Variants in ERBB4 observed in about 807,000 individuals in gnomAD.
The protein encoded by ERBB4 is erb-b2 receptor tyrosine kinase 4, also known as receptor tyrosine-protein kinase erbB-4.
ERBB4 carries 42 observed loss-of-function variants against 158.0 expected under a neutral mutation model. The ratio of observed to expected loss-of-function variants is 0.27; its 90% CI spans 0.21 to 0.34. ERBB4 has a LOEUF of 0.34. Ranked by LOEUF, ERBB4 falls within the 10% of genes least tolerant of loss-of-function variation. ERBB4 has a pLI of 1.00. For missense variants in ERBB4, 1,333 were observed against 1,624.1 expected (o/e 0.82, Z 3.08); for synonymous variants, 583 against 558.7 (o/e 1.04, Z -0.61).
At chr2:212,367,357 A>G (rs977524083) in intron 1 of ERBB4, among the ~76,000 whole-genome samples, 2 of 152,058 alleles carry the variant, frequency 1.3e-5, no homozygotes, top group South Asian at 4.1e-4. Context: ...CTTTTCAACA[A>G]ATGGCGCTGG....
At chr2:211,862,197 T>C (rs762896130) in intron 3 of ERBB4, among the ~76,000 whole-genome samples, 1 of 152,186 alleles carries the variant, frequency 6.6e-6, no homozygotes, top group Non-Finnish European at 1.5e-5. Flanking sequence ...ATTTTCAAGC[T>C]AGAACTCAAA....
intron 1 of ERBB4, among the ~76,000 whole-genome samples, chr2:212,241,378 A>G (rs1339650622): frequency 6.6e-6 from 1 of 152,228 alleles, no homozygotes; most frequent in African/African-American, 2.4e-5. Flanking sequence ...TATATATAAC[A>G]TCATCAAAAT....
intron 3 of ERBB4, among the ~76,000 whole-genome samples, chr2:211,895,027 T>A (rs1417209993): frequency 6.6e-6 from 1 of 152,208 alleles, no homozygotes; most frequent in Non-Finnish European, 1.5e-5. Flanking sequence ...AAATGCTCTC[T>A]TATTCCTATG....
At chr2:211,515,913 T>TATATATA (rs71054105) in intron 20 of ERBB4, among the ~76,000 whole-genome samples, 2 of 57,374 alleles carry the variant, frequency 3.5e-5, no homozygotes, top group African/African-American at 2.2e-4. Flanking sequence ...TATATATATA[T>TATATATA]TTTTTTTTTT....
At chr2:212,498,545 T>A (rs1690708837) in intron 1 of ERBB4, among the ~76,000 whole-genome samples, 1 of 152,124 alleles carries the variant, frequency 6.6e-6, no homozygotes, top group African/African-American at 2.4e-5. Flanking sequence ...TTCTTATATA[T>A]TCCACCTAGG....
At chr2:211,633,137 G>C (rs1007551271) in intron 16 of ERBB4, among the ~76,000 whole-genome samples, 1 of 152,050 alleles carries the variant, frequency 6.6e-6, no homozygotes, top group Non-Finnish European at 1.5e-5. Flanking sequence ...AGCTTAAGAA[G>C]ACTTAATAGA....
intron 20 of ERBB4, chr2:211,561,658 G>A (rs2067395932): frequency 4.0e-6 from 2 of 500,920 alleles, no homozygotes; most frequent in Non-Finnish European, 7.2e-6. Flanking sequence ...TGACTACCAA[G>A]CTATTTGTTT....
At chr2:211,821,078 C>T (rs1219651881) in intron 3 of ERBB4, among the ~76,000 whole-genome samples, 1 of 151,734 alleles carries the variant, frequency 6.6e-6, no homozygotes, top group African/African-American at 2.4e-5. Context: ...AAATAAAGGA[C>T]ATCCAAACTG....
chr2:212,455,209 C>T (rs1361461267), intron 1 of ERBB4, among the ~76,000 whole-genome samples: 2 of 123,872 alleles, frequency 1.6e-5, no homozygotes, highest in African/African-American at 5.1e-5. Flanking sequence ...TTTCTCCCAC[C>T]TTTCCAACAA....
At chr2:212,081,297 T>G (rs1269545249) in intron 2 of ERBB4, among the ~76,000 whole-genome samples, 1 of 152,178 alleles carries the variant, frequency 6.6e-6, no homozygotes, top group Non-Finnish European at 1.5e-5. Flanking sequence ...AGCATCTTGC[T>G]TTGTAATCCT....
intron 12 of ERBB4, among the ~76,000 whole-genome samples, chr2:211,700,769 TACCCTG>T (rs2073205089): frequency 3.3e-5 from 5 of 152,098 alleles, no homozygotes; most frequent in Admixed American, 3.3e-4. Flanking sequence ...TATTTATGTG[TACCCTG>T]GAGAGATCAA....
At chr2:212,526,681 A>T (rs922961045) in intron 1 of ERBB4, among the ~76,000 whole-genome samples, 1 of 152,082 alleles carries the variant, frequency 6.6e-6, no homozygotes, top group Non-Finnish European at 1.5e-5. Flanking sequence ...ATTACCAAAG[A>T]TCTACACTCT....
At chr2:211,812,905 C>A (rs1272897521) in intron 3 of ERBB4, among the ~76,000 whole-genome samples, 1 of 152,170 alleles carries the variant, frequency 6.6e-6, no homozygotes, top group African/African-American at 2.4e-5. Flanking sequence ...TGGAAAAATG[C>A]AGTATTTGGG....
chr2:211,396,170 G>T (rs1246745152), intron 25 of ERBB4, among the ~76,000 whole-genome samples: 2 of 151,918 alleles, frequency 1.3e-5, no homozygotes, highest in African/African-American at 4.8e-5. Context: ...ACATATGTTA[G>T]ATATATATAT....
At chr2:211,485,692 C>T (rs1379289202) in intron 20 of ERBB4, among the ~76,000 whole-genome samples, 7 of 140,562 alleles carry the variant, frequency 5.0e-5, no homozygotes, top group Non-Finnish European at 9.0e-5. Flanking sequence ...AGGAACATGT[C>T]GCACCCCAAA....
At position 211,679,072 on chromosome 2, in the gene ERBB4, C is replaced by G. The variant is rs756983861; in HGVS notation, c.1602G>C (p.Glu534Asp). The change falls in exon 13 of 28, where the codon GAG becomes GAC. Residue 534 changes from glutamate (E) to aspartate (D), a missense_variant. Glu to Asp is a conservative substitution (Grantham distance 45). Around this residue, in one of 5 missense-constraint regions of ERBB4, gnomAD observed 245 missense variants for 247.5 expected, o/e 0.99. Coordinates refer to ENST00000342788, the MANE Select transcript of ERBB4 (RefSeq NM_005235.3). ...CTTACCCATCATAGAGGTTACAAGA[C>G]TCTATGCAGATCCTTCCTCTACTGA... ...RRFSRGRICI[E>D]SCNLYDGEFR... 5.0e-6 allele frequency: 8 copies of G among 1,601,484 alleles called. No homozygotes were observed. The South Asian group carries it at 8.8e-5, about 18-fold the overall frequency.
At chr2:212,002,471 A>T (rs995647023) in intron 2 of ERBB4, among the ~76,000 whole-genome samples, 1 of 152,214 alleles carries the variant, frequency 6.6e-6, no homozygotes, top group African/African-American at 2.4e-5. Flanking sequence ...GGCAGAGGAC[A>T]ACAGGCAAGC....
intron 3 of ERBB4, among the ~76,000 whole-genome samples, chr2:211,934,721 C>T (rs115414444): frequency 1.4e-4 from 21 of 151,632 alleles, no homozygotes; most frequent in East Asian, 3.9e-4. Context: ...CTATGAAGTC[C>T]GTGCCCAATT....
rs2062588781 is a variant in ERBB4 at position 211,382,418 on chromosome 2, C to G, written c.*1197G>C. The G allele has an allele frequency of 4.3e-6, 1 of 232,414 alleles. No individual in the cohort carries two copies. The highest frequency in any genetic ancestry group is 2.2e-5 in the African/African-American group (1 of 45,292). The allele number at this position is 232,414 out of a possible 1,614,324, so 14.4% of individuals were successfully genotyped here. The stretch of plus-strand genomic sequence containing the variant: ...GGCATTTCCACAGTCTTTATCTTAG[C>G]TCTTTTTTTAAAAATGTACTTAAAT... On this transcript the variant is annotated 3_prime_UTR_variant, in exon 28 of 28. Transcript: ENST00000342788.
Sources: allele counts gnomAD v4.1 joint callset (sites outside exome capture counted in the v4.1 genomes callset), GRCh38; gene constraint gnomAD v4.1.1; regional missense constraint gnomAD v4.1.1; transcripts MANE v1.5; gene names NCBI Gene and HGNC (gene_info 2026-07-23, HGNC 2026-07-21).